Variants in SHTN1 observed in about 807,000 individuals in gnomAD.
SHTN1 encodes shootin-1.
In SHTN1, 42 loss-of-function variants were observed where a neutral mutation model predicts 83.1. That is an observed-to-expected ratio of 0.51 (90% CI 0.39 to 0.65). SHTN1 has a LOEUF of 0.65. SHTN1 is among the 30% of genes least tolerant of loss of function. The pLI is 0.00. For missense variants in SHTN1, 622 were observed against 737.8 expected (o/e 0.84, Z 1.82); for synonymous variants, 224 against 247.7 (o/e 0.90, Z 0.90).
rs565870669 is a variant in SHTN1, at chr10:116,992,486, T to C, written c.58+12536A>G. Among the ~76,000 whole-genome samples the C allele has an allele frequency of 7.7e-4, 117 of 152,342 alleles. 2 individuals carry two copies. In the South Asian group the frequency reaches 0.023, roughly 29 times the overall value. On this transcript the variant is annotated intron_variant, in intron 1 of 16. Transcript: ENST00000355371. ...GCAAATGCTGTTCAACATCAGGACA[T>C]TGAAATCAGTACTGTCCTGCACTTA... is the stretch of plus-strand genomic sequence containing the variant.
chr10:116,944,886 T>A lies in SHTN1; in HGVS notation c.711+38A>T, dbSNP rs776960727. Reference sequence around the variant, plus strand: ...AGCCTGGTGACAGAGCGAGACTCTGTCTCAAGAAAAAAAATAAGATTTTTA... The same window carrying A: ...AGCCTGGTGACAGAGCGAGACTCTGACTCAAGAAAAAAAATAAGATTTTTA... On this transcript the variant is annotated intron_variant, in intron 8 of 16. Coordinates refer to ENST00000355371, the MANE Select transcript of SHTN1 (RefSeq NM_001127211.3). 3.7e-6 allele frequency: 5 copies of A among 1,347,902 alleles called. No individual in the cohort carries two copies. The East Asian group carries it at 1.1e-4, about 31-fold the overall frequency. 83.5% of individuals were successfully genotyped at this position (1,347,902 alleles called of 1,614,324 possible). A position where few individuals can be genotyped will look rare whatever the true frequency, so the allele number is the denominator to read the frequency against.
intron 3 of SHTN1, among the ~76,000 whole-genome samples, chr10:116,966,198 G>A (rs1440837897): frequency 6.6e-6 from 1 of 151,994 alleles, no homozygotes; most frequent in Non-Finnish European, 1.5e-5. Flanking sequence ...TACTAGAGAC[G>A]GGGTTTCACC....
chr10:117,071,607 A>G (rs1853081696), intron 1 of SHTN1, among the ~76,000 whole-genome samples: 1 of 152,204 alleles, frequency 6.6e-6, no homozygotes, highest in Non-Finnish European at 1.5e-5. Flanking sequence ...GGTGTTTTAG[A>G]CCGTGAGATT....
At position 117,117,205 on chromosome 10, in the gene SHTN1, TAA is replaced by T. The variant is rs373799799; in HGVS notation, c.-189+9100_-189+9101del. 2.6e-3 allele frequency among the ~76,000 whole-genome samples: 391 copies of T among 152,162 alleles called. 2 individuals are homozygous for T. The highest frequency in any genetic ancestry group is 8.6e-3 in the African/African-American group (358 of 41,540). The stretch of plus-strand genomic sequence containing the variant: ...TGCTAAGACTGATATACAAATTCAA[TAA>T]AGTCACAGAATACAAAATCAACATA... On this transcript the variant is annotated intron_variant, in intron 1 of 17. Coordinates refer to the SHTN1 transcript ENST00000392901.
chr10:116,924,019 G>C (rs1848651706), intron 11 of SHTN1, among the ~76,000 whole-genome samples: 1 of 152,086 alleles, frequency 6.6e-6, no homozygotes, highest in Non-Finnish European at 1.5e-5. Context: ...GCTCTATCTA[G>C]CTTGGGAACC....
At chr10:117,122,229 C>A (rs531108526) in intron 1 of SHTN1, among the ~76,000 whole-genome samples, 1 of 152,200 alleles carries the variant, frequency 6.6e-6, no homozygotes, top group South Asian at 2.1e-4. Flanking sequence ...GGCTGGAGTG[C>A]AGTAGCATGA....
chr10:116,972,013 T>C (rs1850636440), intron 2 of SHTN1, among the ~76,000 whole-genome samples: 2 of 152,228 alleles, frequency 1.3e-5, no homozygotes, highest in South Asian at 2.1e-4. Flanking sequence ...CAATCACTAA[T>C]GTGATGCATG....
intron 1 of SHTN1, among the ~76,000 whole-genome samples, chr10:117,065,941 T>C (rs1228598967): frequency 6.7e-6 from 1 of 148,926 alleles, no homozygotes; most frequent in East Asian, 2.1e-4. Context: ...TGGTGACTCA[T>C]GCCTGTGGTC....
chr10:117,026,737 T>C (rs1852337960), intron 2 of SHTN1, among the ~76,000 whole-genome samples: 1 of 152,222 alleles, frequency 6.6e-6, no homozygotes, highest in Non-Finnish European at 1.5e-5. Flanking sequence ...CCAGATAGAC[T>C]TCTAAGGCTT....
In SHTN1 at chr10:116,951,982, A is replaced by G. The variant is rs893303971; in HGVS notation, c.461T>C (p.Val154Ala). The G allele has an allele frequency of 2.4e-5, 37 of 1,561,646 alleles. No individual in the cohort carries two copies. The highest frequency in any genetic ancestry group is 3.2e-5 in the Non-Finnish European group (37 of 1,150,810). Residue 154 changes from valine (V) to alanine (A), a missense_variant, in exon 6 of 17, where the codon GTT becomes GCT. Transcript: ENST00000355371. Reference protein sequence around the residue: ...IKELRDQIVSVQEEKKILAIE... With the variant: ...IKELRDQIVSAQEEKKILAIE... The stretch of plus-strand genomic sequence containing the variant: ...GGCTAAAATCTTCTTTTCCTCCTGA[A>G]CAGATACAATTTGATCTCGAAGTTC...
chr10:117,004,266 T>G (rs941334221), intron 1 of SHTN1, among the ~76,000 whole-genome samples: 2 of 152,052 alleles, frequency 1.3e-5, no homozygotes, highest in African/African-American at 4.8e-5. Flanking sequence ...ATGTGATAGG[T>G]TAGCATTTGG....
chr10:116,886,142 C>A lies in SHTN1; in HGVS notation c.*202G>T. 3 of 709,064 alleles carry A rather than the reference C, an allele frequency of 4.2e-6. No individual in the cohort carries two copies. The highest frequency in any genetic ancestry group is 2.5e-5 in the South Asian group (1 of 40,676). 43.9% of individuals were successfully genotyped at this position (709,064 alleles called of 1,614,324 possible). A position where few individuals can be genotyped will look rare whatever the true frequency, so the allele number is the denominator to read the frequency against. On this transcript the variant is annotated 3_prime_UTR_variant, in exon 17 of 17. Transcript: ENST00000355371. The stretch of plus-strand genomic sequence containing the variant: ...CTCATCTTTATAAAGATCAAAAAAC[C>A]AAAACCTACTAGGAATGTGTGTTTT...
At chr10:116,887,986 T>C (rs1674506101) in intron 16 of SHTN1, among the ~76,000 whole-genome samples, 1 of 152,160 alleles carries the variant, frequency 6.6e-6, no homozygotes, top group South Asian at 2.1e-4. Context: ...CACTGCTTTT[T>C]TCACTTTCTG....
Position 116,911,683 on chromosome 10 carries a change from G to A in SHTN1, c.1359+107C>T. The A allele has an allele frequency of 4.4e-6, 7 of 1,580,176 alleles. No individual in the cohort carries two copies. In the South Asian group the frequency reaches 5.6e-5, roughly 13 times the overall value. ...AAACTGGCCAAAGATGAGGCTAATT[G>A]TAAATGGGAATAAAACACACCACAA... On this transcript the variant is annotated intron_variant, in intron 14 of 16. Coordinates refer to ENST00000355371, the MANE Select transcript of SHTN1 (RefSeq NM_001127211.3).
At chr10:117,046,492 T>C (rs1451614653) in intron 2 of SHTN1, among the ~76,000 whole-genome samples, 3 of 152,094 alleles carry the variant, frequency 2.0e-5, no homozygotes, top group East Asian at 3.9e-4. Flanking sequence ...AAACATAGAG[T>C]TGTCATATGA....
At position 117,011,699 on chromosome 10, in the gene SHTN1, A is replaced by C. The variant is rs552964826; in HGVS notation, c.-122-32391T>G. ...TAGAATTTGACATTAAAAATTAATAACATTTACAATAGCACTAAAAATACT... is the reference window on the plus strand; with the variant it reads ...TAGAATTTGACATTAAAAATTAATACCATTTACAATAGCACTAAAAATACT... On this transcript the variant is annotated intron_variant, in intron 2 of 17. Coordinates refer to the SHTN1 transcript ENST00000392901. Among the ~76,000 whole-genome samples the C allele has an allele frequency of 7.4e-4, 112 of 152,330 alleles. 2 individuals are homozygous for C. The South Asian group carries it at 0.022, about 30-fold the overall frequency.
intron 2 of SHTN1, among the ~76,000 whole-genome samples, chr10:117,035,295 A>C (rs1263216137): frequency 2.0e-5 from 3 of 152,244 alleles, no homozygotes; most frequent in Admixed American, 6.5e-5. Flanking sequence ...CAGAAGAATG[A>C]AACTAGACCC....
chr10:116,921,584 T>C (rs2133364774), intron 11 of SHTN1, 68 bp from the exon 12 acceptor site: 2 of 1,147,222 alleles, frequency 1.7e-6, no homozygotes, highest in East Asian at 4.7e-5. Context: ...CCAGTAAAAA[T>C]CTCACTCTTT....
intron 1 of SHTN1, among the ~76,000 whole-genome samples, chr10:117,090,508 C>T (rs1344089383): frequency 6.6e-6 from 1 of 152,144 alleles, no homozygotes; most frequent in Non-Finnish European, 1.5e-5. Flanking sequence ...ACACTTAACA[C>T]TACTAAACTG....
Sources: gnomAD v4.1 joint callset for allele counts (sites outside exome capture counted in the v4.1 genomes callset) on GRCh38, gnomAD v4.1.1 for gene constraint, MANE v1.5 for transcripts, NCBI Gene and HGNC (gene_info 2026-07-23, HGNC 2026-07-21) for gene names.